CDKAL1: variants seen among roughly 807,000 people sequenced by gnomAD.
CDKAL1 encodes threonylcarbamoyladenosine tRNA methylthiotransferase.
A neutral mutation model predicts 68.2 loss-of-function variants in CDKAL1; 32 were observed. That is an observed-to-expected ratio of 0.47 (90% CI 0.35 to 0.63). The LOEUF (loss-of-function observed/expected upper bound fraction) is 0.63, where lower values mean the gene tolerates loss of function less well. Among genes scored for constraint, CDKAL1 ranks in the 30% least tolerant of loss-of-function variants. The pLI is 0.00. For synonymous variants in CDKAL1, 234 were observed against 244.3 expected, an observed-to-expected ratio of 0.96 and a Z score of 0.39; for missense variants, 606 against 696.7, an observed-to-expected ratio of 0.87 and a Z score of 1.47.
chr6:20,676,703 A>AAATAAAT lies in CDKAL1; in HGVS notation c.371+27328_371+27329insTAAATAA, dbSNP rs574363733. Among the ~76,000 whole-genome samples the AAATAAAT allele has an allele frequency of 2.1e-4, 29 of 137,376 alleles. No individual in the cohort carries two copies. In the South Asian group the frequency reaches 2.5e-3, roughly 12 times the overall value. 90.1% of individuals were successfully genotyped at this position (137,376 alleles called of 152,430 possible). On this transcript the variant is annotated intron_variant, in intron 5 of 15. Coordinates refer to ENST00000274695, the MANE Select transcript of CDKAL1 (RefSeq NM_017774.3). The stretch of plus-strand genomic sequence containing the variant: ...TAAATAAATAAATAAATAAATAAAT[A>AAATAAAT]AAATAAAATAAAATAAAAAAGTCTT...
At chr6:21,152,463 A>C (rs966751336) in intron 13 of CDKAL1, among the ~76,000 whole-genome samples, 18 of 152,226 alleles carry the variant, frequency 1.2e-4, no homozygotes, top group African/African-American at 4.3e-4. Context: ...AAAGCAGCTC[A>C]CAACTGCCAC....
At chr6:20,704,776 T>G (rs926517497) in intron 5 of CDKAL1, among the ~76,000 whole-genome samples, 3 of 152,196 alleles carry the variant, frequency 2.0e-5, no homozygotes, top group Middle Eastern at 3.2e-3. Context: ...TGTGAATCTC[T>G]TTGTGATTTA....
intron 10 of CDKAL1, among the ~76,000 whole-genome samples, chr6:20,964,073 G>T (rs1213753331): frequency 1.3e-5 from 2 of 151,712 alleles, no homozygotes; most frequent in Non-Finnish European, 1.5e-5. Flanking sequence ...CAACATCACC[G>T]ATCATTAGAG....
chr6:20,766,872 T>C (rs557760582), intron 7 of CDKAL1, among the ~76,000 whole-genome samples: 29 of 152,334 alleles, frequency 1.9e-4, no homozygotes, highest in Admixed American at 1.8e-3. Context: ...CTAAATGTTA[T>C]AGTATTTACT....
chr6:21,205,699 TG>T lies in CDKAL1; in HGVS notation c.1548+4426del, dbSNP rs1420415495. Among the ~76,000 whole-genome samples, 359 of 148,856 alleles carry T rather than the reference TG, an allele frequency of 2.4e-3. 3 individuals are homozygous for T. Among genetic ancestry groups the T allele is most frequent in the African/African-American group, 8.1e-3 (326 of 40,362 alleles). On this transcript the variant is annotated intron_variant, in intron 15 of 15. Transcript: ENST00000274695. ...GAACCCGCCACCACGCCCAGCTAAT[TG>T]TTTTGTATTTTTAGTAGAGACGGGG...
chr6:20,712,881 C>G (rs1433591922), intron 5 of CDKAL1, among the ~76,000 whole-genome samples: 1 of 152,100 alleles, frequency 6.6e-6, no homozygotes, highest in African/African-American at 2.4e-5. Context: ...ACCTCGTGAT[C>G]CACCTGCCTC....
chr6:21,177,206 A>G (rs967746515), intron 13 of CDKAL1, among the ~76,000 whole-genome samples: 12 of 151,646 alleles, frequency 7.9e-5, no homozygotes, highest in African/African-American at 2.9e-4. Flanking sequence ...ATGAAAATTG[A>G]TCAAATATTG....
chr6:21,184,239 G>C (rs117529942), intron 13 of CDKAL1, among the ~76,000 whole-genome samples: 4 of 150,208 alleles, frequency 2.7e-5, no homozygotes, highest in Non-Finnish European at 5.9e-5. Context: ...CTGTGTCCCA[G>C]GCTGGAGTGC....
At chr6:20,806,782 C>T (rs1446480473) in intron 8 of CDKAL1, among the ~76,000 whole-genome samples, 1 of 152,068 alleles carries the variant, frequency 6.6e-6, no homozygotes, top group Non-Finnish European at 1.5e-5. Flanking sequence ...GAAGAATTAG[C>T]TTATCTGAAT....
intron 10 of CDKAL1, among the ~76,000 whole-genome samples, chr6:20,998,625 G>GAAAAAAA (rs202002678): frequency 2.6e-5 from 3 of 114,776 alleles, no homozygotes; most frequent in Non-Finnish European, 1.9e-5. Flanking sequence ...AAAGAAAAAA[G>GAAAAAAA]AAAAAAAAAA....
intron 5 of CDKAL1, among the ~76,000 whole-genome samples, chr6:20,673,266 G>GT (rs112511513): frequency 0.092 from 14,066 of 152,112 alleles, 2,092 homozygotes; most frequent in African/African-American, 0.31. Flanking sequence ...TGGGGGATTG[G>GT]TCCAGGATTC....
At chr6:20,902,929 G>T (rs1229968472) in intron 9 of CDKAL1, among the ~76,000 whole-genome samples, 1 of 152,104 alleles carries the variant, frequency 6.6e-6, no homozygotes, top group African/African-American at 2.4e-5. Context: ...TTTCCCATAA[G>T]TAGTAAGTCA....
intron 9 of CDKAL1, among the ~76,000 whole-genome samples, chr6:20,932,071 G>A (rs1443433041): frequency 6.6e-6 from 1 of 152,072 alleles, no homozygotes; most frequent in African/African-American, 2.4e-5. Flanking sequence ...TATATATCAT[G>A]GTGACACATT....
rs143814783 is a variant in CDKAL1, at chr6:21,019,399, C to G, written c.1055+19027C>G. Among the ~76,000 whole-genome samples the G allele has an allele frequency of 4.9e-4, 74 of 152,266 alleles. 1 individual carries two copies. In the East Asian group the frequency reaches 0.011, roughly 23 times the overall value. ...TTCTACAGTTGCCCATTTGTTACGA[C>G]ACTGCAAATGTATCACTTTTTTTTC... On this transcript the variant is annotated intron_variant, in intron 11 of 15. Transcript: ENST00000274695.
chr6:20,700,560 C>T (rs1448833646), intron 5 of CDKAL1, among the ~76,000 whole-genome samples: 3 of 152,086 alleles, frequency 2.0e-5, no homozygotes, highest in Non-Finnish European at 4.4e-5. Flanking sequence ...ACAGAAGTTG[C>T]ACAGCAGCTG....
At chr6:20,756,954 T>TTCCCTCCTTCCTTCCC (rs1774241274) in intron 6 of CDKAL1, among the ~76,000 whole-genome samples, 1 of 145,378 alleles carries the variant, frequency 6.9e-6, no homozygotes, top group Admixed American at 6.9e-5. Flanking sequence ...CCTTCCTTCC[T>TTCCCTCCTTCCTTCCC]TCCTTTCCTT....
At chr6:21,072,398 G>A (rs1348721108) in intron 12 of CDKAL1, among the ~76,000 whole-genome samples, 1 of 151,406 alleles carries the variant, frequency 6.6e-6, no homozygotes, top group Non-Finnish European at 1.5e-5. Context: ...CTTTTTAATT[G>A]TTCTTGGCAA....
rs115042342 is a variant in CDKAL1 at position 20,966,281 on chromosome 6, T to C, written c.909+10696T>C. ...TGACCCTACCACAGAAATGCTCCAC[T>C]TGAAAATGTTAAGCTTTCAAAATTT... On this transcript the variant is annotated intron_variant, in intron 10 of 15. Transcript: ENST00000274695. 2.3e-3 allele frequency among the ~76,000 whole-genome samples: 354 copies of C among 152,354 alleles called. 2 individuals carry two copies. The highest frequency in any genetic ancestry group is 8.2e-3 in the African/African-American group (343 of 41,588).
At chr6:20,557,238 A>G (rs1333706255) in intron 4 of CDKAL1, among the ~76,000 whole-genome samples, 1 of 152,020 alleles carries the variant, frequency 6.6e-6, no homozygotes, top group African/African-American at 2.4e-5. Flanking sequence ...TTTTCTTGCC[A>G]AAATTCTTTA....
Sources: allele counts gnomAD v4.1 joint callset (sites outside exome capture counted in the v4.1 genomes callset), GRCh38; gene constraint gnomAD v4.1.1; transcripts MANE v1.5; gene names NCBI Gene and HGNC (gene_info 2026-07-23, HGNC 2026-07-21).